HAGH: variants seen among roughly 807,000 people sequenced by gnomAD.
HAGH encodes hydroxyacylglutathione hydrolase, mitochondrial.
HAGH carries 29 observed loss-of-function variants against 35.1 expected under a neutral mutation model. The observed-to-expected ratio is 0.83, with a 90% CI of 0.62 to 1.13. The LOEUF (loss-of-function observed/expected upper bound fraction) is 1.13. Ranked by LOEUF, HAGH falls within the 50% of genes most tolerant of loss-of-function variation. HAGH has a pLI of 0.00. For synonymous variants in HAGH, 225 were observed against 176.1 expected (o/e 1.28, Z -2.20); for missense variants, 478 against 419.6 (o/e 1.14, Z -1.22).
Position 1,822,318 on chromosome 16 carries a change from A to G in HAGH, c.296T>C (p.Leu99Pro). Residue 99 changes from leucine to proline, a missense_variant, in exon 3 of 9, where the codon CTC becomes CCC. Leu to Pro is a moderately conservative substitution (Grantham distance 98). Transcript: ENST00000397356. The part of the protein sequence containing the change: ...RKHGVKLTTV[L>P]TTHHHWDHAG... ...CACTTACCAGTGGTGGTGGGTGGTG[A>G]GCACTGTGGTCAGTTTCACCCCGTG... 1 of 1,611,194 alleles carries G rather than the reference A, an allele frequency of 6.2e-7. No individual in the cohort carries two copies. Among genetic ancestry groups the G allele is most frequent in the South Asian group, 1.1e-5 (1 of 91,034 alleles).
At chr16:1,823,485 T>C (rs1898250021) in intron 1 of HAGH, among the ~76,000 whole-genome samples, 1 of 151,738 alleles carries the variant, frequency 6.6e-6, no homozygotes, top group Non-Finnish European at 1.5e-5. Flanking sequence ...GCCAGGATGG[T>C]CTCGATCTCC....
At chr16:1,826,230 G>A (rs1898408373) in intron 1 of HAGH, among the ~76,000 whole-genome samples, 2 of 151,848 alleles carry the variant, frequency 1.3e-5, no homozygotes, top group South Asian at 2.1e-4. Flanking sequence ...ACCACCTCGG[G>A]CGAATGACAC....
intron 7 of HAGH, among the ~76,000 whole-genome samples, chr16:1,814,229 C>A (rs1596917240): frequency 6.6e-6 from 1 of 152,280 alleles, no homozygotes; most frequent in Middle Eastern, 3.4e-3. Context: ...AATCCCAGCA[C>A]TTTTGGAGCC....
At chr16:1,817,380 C>A (rs1242656692) in intron 5 of HAGH, 109 bp from the exon 6 acceptor site, 11 of 734,296 alleles carry the variant, frequency 1.5e-5, no homozygotes, top group Non-Finnish European at 2.2e-5. Flanking sequence ...AGGCCCCGAA[C>A]CCTGGCTGCC....
intron 7 of HAGH, among the ~76,000 whole-genome samples, chr16:1,815,807 T>C (rs1257328036): frequency 1.3e-5 from 2 of 152,048 alleles, no homozygotes; most frequent in East Asian, 3.9e-4. Flanking sequence ...TTACCTGAAG[T>C]CAGGAGTTCA....
rs1238083615 is a variant in HAGH at position 1,826,799 on chromosome 16, G to T, written c.-12C>A. 7 of 1,220,984 alleles carry T rather than the reference G, an allele frequency of 5.7e-6. No homozygotes were observed. Among genetic ancestry groups the T allele is most frequent in the Non-Finnish European group, 6.1e-6 (6 of 978,772 alleles). 75.6% of individuals were successfully genotyped at this position (1,220,984 alleles called of 1,614,324 possible). On this transcript the variant is annotated 5_prime_UTR_variant, in exon 1 of 9. Coordinates refer to ENST00000397356, the MANE Select transcript of HAGH (RefSeq NM_005326.6). ...CGGCCCACCACCATGACCCGGGCCGGGCTGGACTGCCGAGCTGCCCAGGAC... is the reference window on the plus strand; with the variant it reads ...CGGCCCACCACCATGACCCGGGCCGTGCTGGACTGCCGAGCTGCCCAGGAC...
At chr16:1,825,464 G>A (rs1178382806) in intron 1 of HAGH, among the ~76,000 whole-genome samples, 1 of 152,188 alleles carries the variant, frequency 6.6e-6, no homozygotes, top group Non-Finnish European at 1.5e-5. Flanking sequence ...AGCACTGCCT[G>A]GCAAATGTTC....
chr16:1,821,940 TTTTG>T (rs1467511764), intron 3 of HAGH: 35 of 181,804 alleles, frequency 1.9e-4, no homozygotes, highest in East Asian at 8.0e-4. Flanking sequence ...GCTTGTTTTT[TTTTG>T]TTTTTTTGTT....
rs1567265986 is a variant in HAGH, at chr16:1,826,543, CGCGCCAGCCTCA to C, written c.76+157_76+168del. 1.8e-5 allele frequency: 13 copies of C among 714,672 alleles called. No homozygotes were observed. The South Asian group carries it at 8.8e-4, about 48-fold the overall frequency. 44.3% of individuals were successfully genotyped at this position (714,672 alleles called of 1,614,324 possible). A position where few individuals can be genotyped will look rare whatever the true frequency, so the allele number is the denominator to read the frequency against. On this transcript the variant is annotated intron_variant, in intron 1 of 8. Coordinates refer to ENST00000397356, the MANE Select transcript of HAGH (RefSeq NM_005326.6). ...CGCACCCGCGGCCCCGCGCCCGCTC[CGCGCCAGCCTCA>C]GCGCCTGCGCCGCCTCCGCTCGAGC...
intron 7 of HAGH, among the ~76,000 whole-genome samples, chr16:1,812,597 G>C (rs1897708779): frequency 6.6e-6 from 1 of 151,744 alleles, no homozygotes; most frequent in African/African-American, 2.4e-5. Context: ...ACATTTGGGG[G>C]GTGGGAGTTC....
intron 7 of HAGH, among the ~76,000 whole-genome samples, chr16:1,814,676 G>A (rs1471203317): frequency 6.7e-6 from 1 of 149,452 alleles, no homozygotes; most frequent in Non-Finnish European, 1.5e-5. Flanking sequence ...GAGGCGGGTG[G>A]ATCACGAGGT....
Position 1,809,789 on chromosome 16 carries a change from T to C in HAGH, c.792A>G (p.Ala264=). ...IGEPTVPSTL[A]EEFTYNPFMR... is the part of the protein sequence containing the mutation. ...TGAAGGGGTTGTAGGTAAACTCCTCTGCCAGGGTGGATGGCACTGTGGGCT... is the reference window on the plus strand; with the variant it reads ...TGAAGGGGTTGTAGGTAAACTCCTCCGCCAGGGTGGATGGCACTGTGGGCT... Residue 264 remains alanine, a synonymous_variant, in exon 8 of 9, where the codon GCA becomes GCG. Transcript: ENST00000397356. 3 of 1,614,026 alleles carry C rather than the reference T, an allele frequency of 1.9e-6. No individual in the cohort carries two copies. The highest frequency in any genetic ancestry group is 1.3e-5 in the African/African-American group (1 of 75,076).
chr16:1,811,830 C>T (rs975491321), intron 7 of HAGH, among the ~76,000 whole-genome samples: 10 of 152,274 alleles, frequency 6.6e-5, no homozygotes, highest in South Asian at 4.1e-4. Flanking sequence ...TCTCAACGTC[C>T]CTCCTATGGG....
chr16:1,815,736 G>A (rs1039870245), intron 7 of HAGH, among the ~76,000 whole-genome samples: 2 of 152,066 alleles, frequency 1.3e-5, no homozygotes, highest in East Asian at 1.9e-4. Context: ...ACAGACACAC[G>A]GGCCAGGTGA....
intron 1 of HAGH, among the ~76,000 whole-genome samples, chr16:1,824,558 A>C (rs1349071306): frequency 6.6e-6 from 1 of 152,226 alleles, no homozygotes; most frequent in Non-Finnish European, 1.5e-5. Flanking sequence ...CGGGGAAGAA[A>C]CCACAGAAGG....
chr16:1,823,424 T>C (rs1016605712), intron 1 of HAGH, among the ~76,000 whole-genome samples: 7 of 151,030 alleles, frequency 4.6e-5, no homozygotes, highest in Admixed American at 3.3e-4. Context: ...CCCGCCACCA[T>C]ACCCGGCTAA....
intron 7 of HAGH, chr16:1,810,943 T>C (rs1273589353): frequency 6.6e-6 from 1 of 152,198 alleles, no homozygotes; most frequent in Non-Finnish European, 1.5e-5. Flanking sequence ...CCACCAACAT[T>C]CTCAATCCTA....
At chr16:1,819,271 C>T in intron 4 of HAGH, 48 bp from the exon 5 acceptor site, 1 of 1,258,706 alleles carries the variant, frequency 7.9e-7, no homozygotes, top group Non-Finnish European at 1.1e-6. Context: ...CCCTGGAGAG[C>T]CATCTCCCGG....
At chr16:1,824,508 T>C (rs1305191725) in intron 1 of HAGH, among the ~76,000 whole-genome samples, 2 of 152,196 alleles carry the variant, frequency 1.3e-5, no homozygotes, top group South Asian at 2.1e-4. Flanking sequence ...AATCTAAAAA[T>C]ACCTGGGGGC....
Sources: gnomAD v4.1 joint callset for allele counts (sites outside exome capture counted in the v4.1 genomes callset) on GRCh38, gnomAD v4.1.1 for gene constraint, MANE v1.5 for transcripts, NCBI Gene and HGNC (gene_info 2026-07-23, HGNC 2026-07-21) for gene names.